The following PPARGC1A variants were observed in gnomAD, a reference collection of about 807,000 sequenced individuals.
The protein encoded by PPARGC1A is PPARG coactivator 1 alpha.
A neutral mutation model predicts 88.7 loss-of-function variants in PPARGC1A; 25 were observed. The ratio of observed to expected loss-of-function variants is 0.28; its 90% CI spans 0.21 to 0.39. PPARGC1A has a LOEUF of 0.39. PPARGC1A is among the 10% of genes least tolerant of loss of function. The pLI is 1.00. For missense variants in PPARGC1A, 880 were observed against 968.7 expected, an observed-to-expected ratio of 0.91 and a Z score of 1.22; for synonymous variants, 363 against 355.6, an observed-to-expected ratio of 1.02 and a Z score of -0.24.
At chr4:23,968,605 A>G in the PPARGC1A span, among the ~76,000 whole-genome samples, 1 of 152,174 alleles carries the variant, frequency 6.6e-6, no homozygotes, top group Non-Finnish European at 1.5e-5. Flanking sequence ...ATTCTTAATA[A>G]TACATACCTT....
chr4:24,186,265 G>C, the PPARGC1A span, among the ~76,000 whole-genome samples: 1 of 152,220 alleles, frequency 6.6e-6, no homozygotes, highest in South Asian at 2.1e-4. Context: ...AATGTCTCAG[G>C]ATGCAAAGAG....
At chr4:23,820,472 T>C (rs1722819670) in intron 7 of PPARGC1A, 1 of 257,760 alleles carries the variant, frequency 3.9e-6, no homozygotes, top group Middle Eastern at 1.3e-3. Context: ...ACCGTCACCT[T>C]GTTGAGCTGA....
the PPARGC1A span, among the ~76,000 whole-genome samples, chr4:24,282,315 G>T: frequency 6.6e-6 from 1 of 152,162 alleles, no homozygotes; most frequent in South Asian, 2.1e-4. Flanking sequence ...TGAGTCAGTG[G>T]CTCCACTTCT....
At chr4:24,387,928 A>AAG in the PPARGC1A span, among the ~76,000 whole-genome samples, 2 of 79,640 alleles carry the variant, frequency 2.5e-5, no homozygotes, top group African/African-American at 9.2e-5. Context: ...GAAAGAAAGA[A>AAG]AGAAAGAGAA....
At chr4:24,175,360 TTTTC>T in the PPARGC1A span, among the ~76,000 whole-genome samples, 4 of 149,982 alleles carry the variant, frequency 2.7e-5, no homozygotes, top group East Asian at 7.9e-4. Flanking sequence ...TTGTTTTTTT[TTTTC>T]TCTTTGTTTC....
chr4:24,472,823 A>G, the PPARGC1A span, among the ~76,000 whole-genome samples: 1 of 148,710 alleles, frequency 6.7e-6, no homozygotes, highest in Non-Finnish European at 1.5e-5. The surrounding 1 kb of genome is among the most constrained non-coding windows in gnomAD (Gnocchi z 4.5). Flanking sequence ...GCAGAGCGAG[A>G]GACCGCAGGG....
the PPARGC1A span, among the ~76,000 whole-genome samples, chr4:24,096,187 CGAA>C: frequency 6.6e-6 from 1 of 152,150 alleles, no homozygotes; most frequent in Admixed American, 6.5e-5. Flanking sequence ...CGCCACCATG[CGAA>C]GAAGGCGCTT....
At chr4:23,863,964 C>G (rs947117764) in intron 2 of PPARGC1A, among the ~76,000 whole-genome samples, 1 of 152,156 alleles carries the variant, frequency 6.6e-6, no homozygotes, top group African/African-American at 2.4e-5. Flanking sequence ...CCAGACTGGT[C>G]TCGAACTCTT....
the PPARGC1A span, among the ~76,000 whole-genome samples, chr4:23,930,913 A>G: frequency 7.9e-5 from 12 of 152,358 alleles, no homozygotes; most frequent in African/African-American, 2.4e-4. Flanking sequence ...TGGGAGCCAC[A>G]TGACTTTCTG....
chr4:24,273,794 G>A, the PPARGC1A span, among the ~76,000 whole-genome samples: 1 of 141,022 alleles, frequency 7.1e-6, no homozygotes, highest in East Asian at 2.2e-4. Flanking sequence ...GCAATGGCAT[G>A]ATCTTGGCTC....
the PPARGC1A span, among the ~76,000 whole-genome samples, chr4:24,347,433 G>A: frequency 6.6e-6 from 1 of 152,162 alleles, no homozygotes; most frequent in African/African-American, 2.4e-5. Context: ...AAATTTGGGA[G>A]CTCCAGTGTT....
At chr4:23,913,252 A>ATATATATATATATTATATATTT in the PPARGC1A span, among the ~76,000 whole-genome samples, 9 of 42,182 alleles carry the variant, frequency 2.1e-4, no homozygotes, top group African/African-American at 8.1e-4. Context: ...TTATATATAT[A>ATATATATATATATTATATATTT]TATATATATA....
At chr4:24,037,981 A>C in the PPARGC1A span, among the ~76,000 whole-genome samples, 5 of 152,168 alleles carry the variant, frequency 3.3e-5, no homozygotes, top group Non-Finnish European at 7.3e-5. Flanking sequence ...TAGTAGTCTA[A>C]ATGGCAACTC....
chr4:24,077,797 A>G, the PPARGC1A span, among the ~76,000 whole-genome samples: 2 of 151,806 alleles, frequency 1.3e-5, no homozygotes, highest in Non-Finnish European at 2.9e-5. Flanking sequence ...TTTATCTGTT[A>G]TATCTTTCTG....
the PPARGC1A span, among the ~76,000 whole-genome samples, chr4:24,296,662 G>T: frequency 6.6e-6 from 1 of 152,032 alleles, no homozygotes; most frequent in Non-Finnish European, 1.5e-5. Context: ...CTTTAAATTA[G>T]CATCCCATTC....
the PPARGC1A span, among the ~76,000 whole-genome samples, chr4:24,026,139 C>T: frequency 3.3e-5 from 5 of 152,100 alleles, no homozygotes; most frequent in Non-Finnish European, 5.9e-5. Context: ...AGTCCTGGAT[C>T]GGCACTACTT....
chr4:23,913,263 TATATAGAGAGAGAGAGAGAGAGAGAG>T, the PPARGC1A span, among the ~76,000 whole-genome samples: 4 of 56,076 alleles, frequency 7.1e-5, no homozygotes, highest in African/African-American at 1.5e-4. Context: ...TATATATATA[TATATAGAGAGAGAGAGAGAGAGAGAG>T]AGAGAGAGAG....
the PPARGC1A span, among the ~76,000 whole-genome samples, chr4:23,965,807 A>G: frequency 1.3e-5 from 2 of 152,276 alleles, no homozygotes; most frequent in Non-Finnish European, 2.9e-5. Context: ...TGCGACAACT[A>G]ATTTTGGAAC....
At chr4:24,151,604 T>A in the PPARGC1A span, among the ~76,000 whole-genome samples, 356 of 152,314 alleles carry the variant, frequency 2.3e-3, 4 homozygotes, top group African/African-American at 7.8e-3. Context: ...CTGTTCTAAG[T>A]TCTTTATATT....
Sources: gnomAD v4.1 joint callset for allele counts (sites outside exome capture counted in the v4.1 genomes callset) on GRCh38, gnomAD v4.1.1 for gene constraint, Gnocchi (gnomAD v3.1) non-coding constraint, MANE v1.5 for transcripts, NCBI Gene and HGNC (gene_info 2026-07-23, HGNC 2026-07-21) for gene names.